The following MPRIP variants were observed in gnomAD, a reference collection of about 807,000 sequenced individuals.
The protein encoded by MPRIP is myosin phosphatase Rho-interacting protein.
MPRIP carries 59 observed loss-of-function variants against 234.9 expected under a neutral mutation model. That is an observed-to-expected ratio of 0.25 (90% CI 0.20 to 0.31). The LOEUF (loss-of-function observed/expected upper bound fraction) is 0.31. Among genes scored for constraint, MPRIP ranks in the 10% least tolerant of loss-of-function variants. The pLI, the probability that MPRIP is intolerant of heterozygous loss-of-function variation, is 1.00. For missense variants in MPRIP, 2,436 were observed against 3,071.0 expected (o/e 0.79, Z 4.89); for synonymous variants, 1,144 against 1,263.9 (o/e 0.91, Z 2.01).
intron 16 of MPRIP, among the ~76,000 whole-genome samples, chr17:17,170,492 G>A (rs967430245): frequency 2.0e-5 from 3 of 152,226 alleles, no homozygotes; most frequent in African/African-American, 2.4e-5. Context: ...GACTGACCAC[G>A]AGTTTGGAAA....
intron 16 of MPRIP, 22 bp from the exon 17 acceptor site, chr17:17,171,695 GA>G: frequency 6.2e-7 from 1 of 1,603,510 alleles, no homozygotes; most frequent in African/African-American, 1.3e-5. Flanking sequence ...AGAAGTCGAT[GA>G]AGTCCCTTTT....
intron 5 of MPRIP, 53 bp from the exon 6 acceptor site, chr17:17,136,166 A>T (rs1044148320): frequency 1.9e-6 from 3 of 1,608,118 alleles, no homozygotes; most frequent in African/African-American, 1.3e-5. Flanking sequence ...CTGTGACCCA[A>T]CCTGAGCTGT....
chr17:17,178,225 A>G (rs1009990890), intron 22 of MPRIP, among the ~76,000 whole-genome samples: 8 of 152,110 alleles, frequency 5.3e-5, no homozygotes, highest in African/African-American at 1.9e-4. Context: ...ACCTGGCCAG[A>G]TTATACATAA....
At chr17:17,074,820 T>G (rs2089289734) in intron 1 of MPRIP, among the ~76,000 whole-genome samples, 2 of 152,190 alleles carry the variant, frequency 1.3e-5, no homozygotes, top group Admixed American at 6.5e-5. Flanking sequence ...AGTGCTTCAT[T>G]CCTTTTTCTG....
intron 12 of MPRIP, 72 bp from the exon 13 acceptor site, chr17:17,154,234 C>A: frequency 7.4e-7 from 1 of 1,347,262 alleles, no homozygotes; most frequent in Non-Finnish European, 1.1e-6. Context: ...GTGCAGGGAG[C>A]TTCTTTGGAG....
chr17:17,180,762 C>A, intron 23 of MPRIP: 1 of 1,288,612 alleles, frequency 7.8e-7, no homozygotes, highest in Non-Finnish European at 1.1e-6. Context: ...CATCCTGCTC[C>A]AACAAACACA....
In MPRIP at chr17:17,167,158, G is replaced by A. The variant is rs778898351; in HGVS notation, c.5567G>A (p.Arg1856Gln). 9.2e-6 allele frequency: 12 copies of A among 1,303,968 alleles called. No individual in the cohort carries two copies. The highest frequency in any genetic ancestry group is 6.1e-5 in the African/African-American group (4 of 65,772). 80.8% of individuals were successfully genotyped at this position (1,303,968 alleles called of 1,614,324 possible). Reference protein sequence around the residue: ...AQVCYASCRIRLEYEKELQLC... With the variant: ...AQVCYASCRIQLEYEKELQLC... ...GTTTGCTATGCGTCCTGCAGAATCC[G>A]GCTAGAATATGAGAAGGAGCTCCAG... The change falls in exon 16 of 24, where the codon CGG becomes CAG. Residue 1856 changes from arginine (R) to glutamine (Q), a missense_variant. By Grantham distance (43) the Arg-to-Gln change is conservative. Around this residue, in one of 4 missense-constraint regions of MPRIP, gnomAD observed 1,998 missense variants for 2,520.3 expected, o/e 0.79. Transcript: ENST00000651222. This position sits in a 1 kb window ranked among gnomAD's most constrained non-coding sequence, Gnocchi z 5.9.
intron 3 of MPRIP, chr17:17,096,694 G>A (rs182907233): frequency 3.8e-4 from 176 of 466,578 alleles, no homozygotes; most frequent in Non-Finnish European, 6.2e-4. Context: ...ATACCATCAG[G>A]CAGATCTGGG....
At chr17:17,094,920 T>A (rs1048095744) in intron 3 of MPRIP, among the ~76,000 whole-genome samples, 2 of 152,134 alleles carry the variant, frequency 1.3e-5, no homozygotes, top group African/African-American at 4.8e-5. Flanking sequence ...CCTGGTAATT[T>A]TTTTTTAAAA....
intron 3 of MPRIP, among the ~76,000 whole-genome samples, chr17:17,084,746 G>T (rs1038109002): frequency 6.6e-6 from 1 of 152,128 alleles, no homozygotes; most frequent in Non-Finnish European, 1.5e-5. Flanking sequence ...GCTGCAGACT[G>T]ACCCAACTAT....
chr17:17,131,748 C>T, intron 5 of MPRIP, 47 bp downstream of exon 5: 1 of 1,567,234 alleles, frequency 6.4e-7, no homozygotes, highest in Non-Finnish European at 8.8e-7. Flanking sequence ...GGAGCCAGGG[C>T]TTGGGAAGAA....
intron 3 of MPRIP, among the ~76,000 whole-genome samples, chr17:17,123,730 A>T (rs1047067657): frequency 2.0e-5 from 3 of 151,518 alleles, no homozygotes; most frequent in South Asian, 2.1e-4. Flanking sequence ...AAAAAGAAAG[A>T]AAAAACGAAA....
At chr17:17,142,262 A>G in intron 7 of MPRIP, 1 of 210,170 alleles carries the variant, frequency 4.8e-6, no homozygotes, top group Non-Finnish European at 9.7e-6. Flanking sequence ...GTGATCCATG[A>G]GGGATGCAAT....
chr17:17,190,320 CGGCA>C lies in MPRIP; in HGVS notation c.*5429_*5432del, dbSNP rs1286502836. 1 of 152,266 alleles carries C rather than the reference CGGCA, an allele frequency of 6.6e-6. No individual in the cohort carries two copies. Among genetic ancestry groups the C allele is most frequent in the African/African-American group, 2.4e-5 (1 of 41,464 alleles). 9.4% of individuals were successfully genotyped at this position (152,266 alleles called of 1,614,324 possible). A position where few individuals can be genotyped will look rare whatever the true frequency, so the allele number is the denominator to read the frequency against. On this transcript the variant is annotated 3_prime_UTR_variant, in exon 24 of 24. Transcript: ENST00000651222. Reference sequence around the variant, plus strand: ...GCCGTTCTTCCTTGCACAGCAGCTACGGCAGGTTGTTCTGCAGCCACCCCTTAGA... The same window carrying C: ...GCCGTTCTTCCTTGCACAGCAGCTACGGTTGTTCTGCAGCCACCCCTTAGA...
intron 4 of MPRIP, 124 bp downstream of exon 4, chr17:17,126,977 C>T (rs1335589243): frequency 1.7e-6 from 2 of 1,194,962 alleles, no homozygotes; most frequent in African/African-American, 3.0e-5. Flanking sequence ...TATTCTTGGG[C>T]TCTGTCTCTG....
chr17:17,177,288 C>T lies in MPRIP; in HGVS notation c.6996C>T (p.Tyr2332=). ...KYASDKYKDI[Y]TELSIAKAKA... Reference sequence around the variant, plus strand: ...CAAGTGACAAGTACAAAGACATCTACACAGAGCTCAGCATCGCGAAGGCTA... The same window carrying T: ...CAAGTGACAAGTACAAAGACATCTATACAGAGCTCAGCATCGCGAAGGCTA... The change falls in exon 22 of 24, where the codon TAC becomes TAT. Residue 2332 remains tyrosine, a synonymous_variant. Coordinates refer to ENST00000651222, the MANE Select transcript of MPRIP (RefSeq NM_001364716.4). 1 of 1,614,076 alleles carries T rather than the reference C, an allele frequency of 6.2e-7. No homozygotes were observed.
chr17:17,095,316 T>C (rs751184020), intron 3 of MPRIP, among the ~76,000 whole-genome samples: 39 of 152,190 alleles, frequency 2.6e-4, no homozygotes, highest in Non-Finnish European at 4.7e-4. Context: ...TGTGTGTATA[T>C]GGGGTGCGTG....
intron 1 of MPRIP, among the ~76,000 whole-genome samples, chr17:17,066,931 A>AT (rs888469031): frequency 4.0e-5 from 6 of 148,366 alleles, no homozygotes; most frequent in South Asian, 2.1e-4. Context: ...GCTATTAATA[A>AT]TTTTTTTTTG....
Position 17,165,126 on chromosome 17 carries a change from A to G in MPRIP, c.3535A>G (p.Lys1179Glu). 3.1e-6 allele frequency: 4 copies of G among 1,304,216 alleles called. No individual in the cohort carries two copies. Among genetic ancestry groups the G allele is most frequent in the Non-Finnish European group, 4.0e-6 (4 of 988,970 alleles). 80.8% of individuals were successfully genotyped at this position (1,304,216 alleles called of 1,614,324 possible). ...GGAGCGCATTAAGGAAGCACATGAG[A>G]AGGTTCTGGAGAAGAAGGAGCAGGA... Reference protein sequence around the residue: ...ELERIKEAHEKVLEKKEQDLN... With the variant: ...ELERIKEAHEEVLEKKEQDLN... Residue 1179 changes from lysine (K) to glutamate (E), a missense_variant, in exon 16 of 24, where the codon AAG (lysine) becomes GAG (glutamate). Physicochemically the swap from Lys to Glu is moderately conservative, Grantham distance 56. Around this residue, in one of 4 missense-constraint regions of MPRIP, gnomAD observed 1,998 missense variants for 2,520.3 expected, o/e 0.79. Coordinates refer to ENST00000651222, the MANE Select transcript of MPRIP (RefSeq NM_001364716.4).
Sources: allele counts gnomAD v4.1 joint callset (sites outside exome capture counted in the v4.1 genomes callset), GRCh38; gene constraint gnomAD v4.1.1; regional missense constraint gnomAD v4.1.1; non-coding constraint Gnocchi (gnomAD v3.1); transcripts MANE v1.5; gene names NCBI Gene and HGNC (gene_info 2026-07-23, HGNC 2026-07-21).